The following GRAP2 variants were observed in gnomAD, a reference collection of about 807,000 sequenced individuals.
GRAP2 encodes GRB2-related adapter protein 2.
Under a neutral mutation model 43.5 loss-of-function variants are expected in GRAP2, and 31 were observed. That is an observed-to-expected ratio of 0.71 (90% CI 0.54 to 0.96). GRAP2 has a LOEUF of 0.96. Ranked by LOEUF, GRAP2 falls within the 40% of genes least tolerant of loss-of-function variation. The pLI is 0.00. For missense variants in GRAP2, 371 were observed against 424.4 expected (o/e 0.87, Z 1.11); for synonymous variants, 156 against 164.8 (o/e 0.95, Z 0.41).
intron 2 of GRAP2, among the ~76,000 whole-genome samples, chr22:39,954,502 C>A (rs2067024248): frequency 6.6e-6 from 1 of 152,152 alleles, no homozygotes; most frequent in South Asian, 2.1e-4. Context: ...TCAAGCAATT[C>A]TCCTGCCTCA....
Position 39,921,902 on chromosome 22 carries a change from C to T in GRAP2, c.-15+20572C>T, listed in dbSNP as rs2066656004. ...TTCATTGCAGGCTCGAACTCCTGGG[C>T]TCAAGCAATCCTCCAGCCTAAGCCT... On this transcript the variant is annotated intron_variant, in intron 1 of 7. Transcript: ENST00000344138. Among the ~76,000 whole-genome samples, 2 of 152,148 alleles carry T rather than the reference C, an allele frequency of 1.3e-5. 1 individual carries two copies. The highest frequency in any genetic ancestry group is 4.1e-4 in the South Asian group (2 of 4,828).
chr22:39,918,646 C>T (rs187241086), intron 1 of GRAP2, among the ~76,000 whole-genome samples: 1 of 152,142 alleles, frequency 6.6e-6, no homozygotes, highest in East Asian at 1.9e-4. Flanking sequence ...CCAGTGCTGC[C>T]CAAACAAGGA....
At chr22:39,955,944 C>CCA (rs763159796) in intron 3 of GRAP2, 34 bp downstream of exon 3, 1 of 910,406 alleles carries the variant, frequency 1.1e-6, no homozygotes, top group South Asian at 1.3e-5. Context: ...ATGGGCCTAG[C>CCA]CACACACACT....
intron 1 of GRAP2, among the ~76,000 whole-genome samples, chr22:39,939,328 C>T (rs1394680756): frequency 6.6e-6 from 1 of 151,986 alleles, no homozygotes; most frequent in Non-Finnish European, 1.5e-5. Context: ...TTTGGGAGGC[C>T]GAGGCAGGCA....
chr22:39,899,385 A>T (rs1222489050), upstream of GRAP2, among the ~76,000 whole-genome samples: 8 of 152,166 alleles, frequency 5.3e-5, no homozygotes, highest in East Asian at 1.5e-3. Context: ...AATTTTAGGG[A>T]CTCCTTTAAC....
chr22:39,930,887 G>T (rs1003840059), intron 1 of GRAP2, among the ~76,000 whole-genome samples: 5 of 152,128 alleles, frequency 3.3e-5, no homozygotes, highest in Non-Finnish European at 1.5e-5. Context: ...CTACTTGTCT[G>T]CAAGACTCAG....
At chr22:39,904,246 G>A (rs537348452) in intron 1 of GRAP2, among the ~76,000 whole-genome samples, 3 of 152,288 alleles carry the variant, frequency 2.0e-5, no homozygotes, top group African/African-American at 7.2e-5. Context: ...AAATTAGCCG[G>A]GCATGATGGC....
At chr22:39,969,573 C>T in intron 7 of GRAP2, 40 bp downstream of exon 7, 1 of 1,608,234 alleles carries the variant, frequency 6.2e-7, no homozygotes, top group Non-Finnish European at 8.5e-7. Flanking sequence ...TGGGGAAAGG[C>T]CTTGGGACAG....
chr22:39,954,226 A>C (rs2067020866), intron 2 of GRAP2, among the ~76,000 whole-genome samples: 2 of 152,222 alleles, frequency 1.3e-5, no homozygotes, highest in South Asian at 4.1e-4. Flanking sequence ...AGAAACATAA[A>C]CTAAAAATGG....
chr22:39,926,979 G>A, intron 1 of GRAP2: 1 of 306,120 alleles, frequency 3.3e-6, no homozygotes, highest in Non-Finnish European at 4.8e-6. Context: ...CCTGTGCTCA[G>A]CAGAGGCGGT....
chr22:39,943,163 C>G (rs543983925), intron 1 of GRAP2, among the ~76,000 whole-genome samples: 2 of 152,320 alleles, frequency 1.3e-5, no homozygotes, highest in South Asian at 4.1e-4. Context: ...TTGATGGTAA[C>G]TACGTGTTTC....
intron 6 of GRAP2, 76 bp from the exon 7 acceptor site, chr22:39,969,335 C>G (rs2067213512): frequency 6.5e-7 from 1 of 1,535,056 alleles, no homozygotes; most frequent in Non-Finnish European, 9.0e-7. Flanking sequence ...TGGATGGCAT[C>G]TGAGCAAGGC....
At chr22:39,957,317 G>T (rs772120576) in intron 3 of GRAP2, among the ~76,000 whole-genome samples, 6 of 152,098 alleles carry the variant, frequency 3.9e-5, no homozygotes, top group African/African-American at 1.4e-4. Context: ...TACCCCACGT[G>T]CTCCTCAAAC....
chr22:39,921,347 A>G (rs1291815548), intron 1 of GRAP2, among the ~76,000 whole-genome samples: 1 of 152,224 alleles, frequency 6.6e-6, no homozygotes, highest in Non-Finnish European at 1.5e-5. Flanking sequence ...TGGGTTCATT[A>G]TGAAAATTAG....
At chr22:39,956,477 T>G (rs1046772679) in intron 3 of GRAP2, among the ~76,000 whole-genome samples, 1 of 151,230 alleles carries the variant, frequency 6.6e-6, no homozygotes, top group East Asian at 1.9e-4. Context: ...TTTGGGTTTT[T>G]TTGGGTTTTT....
intron 1 of GRAP2, among the ~76,000 whole-genome samples, chr22:39,939,572 A>AG (rs1245146772): frequency 2.0e-5 from 3 of 148,686 alleles, no homozygotes; most frequent in African/African-American, 7.5e-5. Context: ...AAAAAAAAAA[A>AG]AAAAAAAAAA....
upstream of GRAP2, among the ~76,000 whole-genome samples, chr22:39,898,290 C>T (rs969297703): frequency 2.0e-5 from 3 of 152,176 alleles, no homozygotes; most frequent in African/African-American, 7.2e-5. Context: ...AACAGTAGGA[C>T]CATCTGATGT....
chr22:39,923,991 A>G (rs2066676190), intron 1 of GRAP2, among the ~76,000 whole-genome samples: 1 of 152,234 alleles, frequency 6.6e-6, no homozygotes, highest in Non-Finnish European at 1.5e-5. Context: ...TCACTGGCGT[A>G]TGTACCATAA....
chr22:39,958,253 G>C (rs1031199963), intron 3 of GRAP2, among the ~76,000 whole-genome samples: 2 of 152,078 alleles, frequency 1.3e-5, no homozygotes, highest in African/African-American at 4.8e-5. Flanking sequence ...CCACTCCCCA[G>C]TCCCCTATAG....
Sources: allele counts gnomAD v4.1 joint callset (sites outside exome capture counted in the v4.1 genomes callset), GRCh38; gene constraint gnomAD v4.1.1; transcripts MANE v1.5; gene names NCBI Gene and HGNC (gene_info 2026-07-23, HGNC 2026-07-21).